TRPC5: variants seen among roughly 807,000 people sequenced by gnomAD.
The protein encoded by TRPC5 is transient receptor potential cation channel subfamily C member 5, also known as short transient receptor potential channel 5.
In TRPC5, 9 loss-of-function variants were observed where a neutral mutation model predicts 56.5. That is an observed-to-expected ratio of 0.16 (90% confidence interval 0.10 to 0.28). TRPC5 has a LOEUF of 0.28. Among genes scored for constraint, TRPC5 ranks in the 10% least tolerant of loss-of-function variants. The pLI, the probability that TRPC5 is intolerant of heterozygous loss-of-function variation, is 1.00. For missense variants in TRPC5, 469 were observed against 748.9 expected, an observed-to-expected ratio of 0.63 and a Z score of 4.36; for synonymous variants, 282 against 278.5, an observed-to-expected ratio of 1.01 and a Z score of -0.13.
chrX:111,783,154 C>T (rs1367515881), intron 7 of TRPC5, among the ~76,000 whole-genome samples: 1 of 112,094 alleles, frequency 8.9e-6, no homozygotes, highest in Non-Finnish European at 1.9e-5. Context: ...AATCACATTG[C>T]TGAGTAGTTT....
At chrX:111,818,899 C>T (rs985755444) in intron 7 of TRPC5, among the ~76,000 whole-genome samples, 9 of 111,525 alleles carry the variant, frequency 8.1e-5, no homozygotes, top group Admixed American at 7.6e-4. Context: ...CCACCGTGCC[C>T]GGCTACTTTT....
chrX:111,880,765 C>T (rs1924173442), intron 3 of TRPC5, among the ~76,000 whole-genome samples: 1 of 112,262 alleles, frequency 8.9e-6, no homozygotes, highest in Middle Eastern at 4.2e-3. Context: ...AACCAATTAC[C>T]AGTCTTTCAT....
intron 1 of TRPC5, among the ~76,000 whole-genome samples, chrX:111,972,885 A>G (rs186244650): frequency 9.8e-5 from 11 of 111,997 alleles, no homozygotes; most frequent in African/African-American, 3.6e-4. Flanking sequence ...GAACATTTCT[A>G]GCTTTTTAAT....
Position 111,774,446 on chromosome X carries a change from A to C in TRPC5, c.*1867T>G, listed in dbSNP as rs1308698126. 1 of 111,937 alleles carries C rather than the reference A, an allele frequency of 8.9e-6. No homozygotes were observed. The highest frequency in any genetic ancestry group is 1.9e-5 in the Non-Finnish European group (1 of 53,185). The allele number at this position is 111,937 out of a possible 1,213,427, so 9.2% of individuals were successfully genotyped here. ...TAACCTGTGATTAAATGTCAAGGCCATTTTATGACAGTCTTAGCGAAGCAG... is the reference window on the plus strand; with the variant it reads ...TAACCTGTGATTAAATGTCAAGGCCCTTTTATGACAGTCTTAGCGAAGCAG... On this transcript the variant is annotated 3_prime_UTR_variant, in exon 11 of 11. Coordinates refer to ENST00000262839, the MANE Select transcript of TRPC5 (RefSeq NM_012471.3).
At chrX:111,932,792 G>A (rs1047982526) in intron 2 of TRPC5, among the ~76,000 whole-genome samples, 1 of 111,805 alleles carries the variant, frequency 8.9e-6, no homozygotes, top group African/African-American at 3.3e-5. Flanking sequence ...ATTTAGTACC[G>A]ACCTAGCCCA....
Position 111,932,382 on chromosome X carries a change from TA to T in TRPC5, c.379-19571del, listed in dbSNP as rs756490198. ...TTTTAATACATGAATTTTACCTCAA[TA>T]AAGCTGTTAAAAATGGGACACCGAC... is the stretch of plus-strand genomic sequence containing the variant. On this transcript the variant is annotated intron_variant, in intron 2 of 10. Transcript: ENST00000262839. Among the ~76,000 whole-genome samples the T allele has an allele frequency of 6.3e-5, 7 of 111,489 alleles. No homozygotes were observed. In the South Asian group the frequency reaches 2.7e-3, roughly 43 times the overall value.
intron 1 of TRPC5, among the ~76,000 whole-genome samples, chrX:112,076,634 G>A (rs1045462051): frequency 7.2e-5 from 8 of 111,551 alleles, no homozygotes; most frequent in African/African-American, 2.6e-4. Flanking sequence ...CAAATGATGC[G>A]TCCGTGTGTG....
intron 2 of TRPC5, 74 bp downstream of exon 2, chrX:111,951,969 C>A: frequency 8.8e-7 from 1 of 1,139,605 alleles, no homozygotes; most frequent in Non-Finnish European, 1.2e-6. Context: ...ACCTAACCTT[C>A]CCTAGTTTCA....
At chrX:111,940,981 C>A (rs1301703204) in intron 2 of TRPC5, among the ~76,000 whole-genome samples, 2 of 111,864 alleles carry the variant, frequency 1.8e-5, no homozygotes, top group Admixed American at 1.9e-4. Flanking sequence ...CATATAGGAC[C>A]TAACTGTAAT....
At chrX:112,034,347 C>T (rs1385532398) in intron 1 of TRPC5, among the ~76,000 whole-genome samples, 8 of 104,726 alleles carry the variant, frequency 7.6e-5, no homozygotes, top group African/African-American at 1.0e-4. Context: ...TGGTATAACA[C>T]TTGCACCTCT....
intron 1 of TRPC5, among the ~76,000 whole-genome samples, chrX:112,048,424 AG>A (rs1358761384): frequency 1.7e-4 from 18 of 105,927 alleles, no homozygotes; most frequent in African/African-American, 5.8e-4. Flanking sequence ...AAAAAAAAAA[AG>A]GAGGGGAGAG....
intron 3 of TRPC5, among the ~76,000 whole-genome samples, chrX:111,895,556 A>G (rs1231155525): frequency 9.0e-6 from 1 of 110,910 alleles, no homozygotes; most frequent in African/African-American, 3.3e-5. Flanking sequence ...CCTCTGGGAA[A>G]TATTTGCCTA....
chrX:111,786,771 C>T (rs774253528), intron 7 of TRPC5, among the ~76,000 whole-genome samples: 1 of 111,023 alleles, frequency 9.0e-6, no homozygotes, highest in East Asian at 2.8e-4. Context: ...CAATCCTAGT[C>T]TCTGATAAAA....
rs2148545273 is a variant in TRPC5, at chrX:111,773,287, C to T, written c.*3026G>A. ...AAAGCTGGAAGTGGAGATATTTCAACAATGGTCACTTTCTAATATAATTCA... is the reference window on the plus strand; with the variant it reads ...AAAGCTGGAAGTGGAGATATTTCAATAATGGTCACTTTCTAATATAATTCA... On this transcript the variant is annotated 3_prime_UTR_variant, in exon 11 of 11. Coordinates refer to ENST00000262839, the MANE Select transcript of TRPC5 (RefSeq NM_012471.3). 8.9e-6 allele frequency among the ~76,000 whole-genome samples: 1 copy of T among 112,178 alleles called. No homozygotes were observed. Among genetic ancestry groups the T allele is most frequent in the African/African-American group, 3.2e-5 (1 of 30,934 alleles).
intron 1 of TRPC5, among the ~76,000 whole-genome samples, chrX:111,974,598 C>CT (rs1927869096): frequency 9.0e-6 from 1 of 111,322 alleles, no homozygotes; most frequent in African/African-American, 3.3e-5. Context: ...CACTCTCCTG[C>CT]TTGATGGTAG....
chrX:111,963,961 A>C (rs990395707), intron 1 of TRPC5, among the ~76,000 whole-genome samples: 1 of 112,355 alleles, frequency 8.9e-6, no homozygotes, highest in Non-Finnish European at 1.9e-5. Flanking sequence ...GCAATGGAAC[A>C]AAGCTGGACG....
intron 2 of TRPC5, among the ~76,000 whole-genome samples, chrX:111,931,975 T>C (rs1402633037): frequency 8.9e-6 from 1 of 112,111 alleles, no homozygotes; most frequent in Non-Finnish European, 1.9e-5. Context: ...TGTTAAATGT[T>C]TGGAGTCCAT....
In TRPC5 at chrX:111,860,199, C is replaced by CGT. The variant is rs1279535438; in HGVS notation, c.901-6094_901-6093insAC. Reference sequence around the variant, plus strand: ...CTGGGATTACAGGCGTGAGCCACTACGCCTGGCCTACTTATAGCCAGTTTT... The same window carrying CGT: ...CTGGGATTACAGGCGTGAGCCACTACGTGCCTGGCCTACTTATAGCCAGTTTT... On this transcript the variant is annotated intron_variant, in intron 3 of 10. Coordinates refer to ENST00000262839, the MANE Select transcript of TRPC5 (RefSeq NM_012471.3). Among the ~76,000 whole-genome samples, 15 of 112,793 alleles carry CGT rather than the reference C, an allele frequency of 1.3e-4. No homozygotes were observed. In the South Asian group the frequency reaches 4.0e-3, roughly 30 times the overall value.
intron 1 of TRPC5, among the ~76,000 whole-genome samples, chrX:112,025,928 T>G (rs971433467): frequency 8.9e-6 from 1 of 111,889 alleles, no homozygotes; most frequent in Non-Finnish European, 1.9e-5. Context: ...AGTAATAAAC[T>G]TCTTTCATTT....
Sources: allele counts gnomAD v4.1 joint callset (sites outside exome capture counted in the v4.1 genomes callset), GRCh38; gene constraint gnomAD v4.1.1; transcripts MANE v1.5; gene names NCBI Gene and HGNC (gene_info 2026-07-23, HGNC 2026-07-21).